PPP1R9A: variants seen among roughly 807,000 people sequenced by gnomAD.
The protein encoded by PPP1R9A is protein phosphatase 1 regulatory subunit 9A.
A neutral mutation model predicts 141.9 loss-of-function variants in PPP1R9A; 59 were observed. The ratio of observed to expected loss-of-function variants is 0.42; its 90% confidence interval spans 0.34 to 0.52. The LOEUF (loss-of-function observed/expected upper bound fraction) is 0.52. Among genes scored for constraint, PPP1R9A ranks in the 20% least tolerant of loss-of-function variants. PPP1R9A has a pLI of 0.10. For synonymous variants in PPP1R9A, 500 were observed against 569.7 expected (o/e 0.88, Z 1.74); for missense variants, 1,444 against 1,611.9 (o/e 0.90, Z 1.78).
In PPP1R9A at chr7:95,293,290, A is replaced by G. The variant is rs1363688126; in HGVS notation, c.*2987A>G. On this transcript the variant is annotated 3_prime_UTR_variant, in exon 20 of 20. Transcript: ENST00000433360. ...TCACAGTTTATGTAATACTAATCTC[A>G]TTCTTTTTTTACCTGAATCAGGAAT... is the stretch of plus-strand genomic sequence containing the variant. 1.3e-5 allele frequency: 2 copies of G among 152,140 alleles called. No individual in the cohort carries two copies. Among genetic ancestry groups the G allele is most frequent in the Admixed American group, 6.5e-5 (1 of 15,270 alleles). The allele number at this position is 152,140 out of a possible 1,614,324, so 9.4% of individuals were successfully genotyped here. A position where few individuals can be genotyped will look rare whatever the true frequency, so the allele number is the denominator to read the frequency against.
At chr7:95,136,898 T>C (rs1324834650) in intron 4 of PPP1R9A, among the ~76,000 whole-genome samples, 7 of 152,124 alleles carry the variant, frequency 4.6e-5, no homozygotes, top group Admixed American at 3.9e-4. Flanking sequence ...TCTGGTAATA[T>C]GTAATGTAAG....
chr7:94,933,672 C>A (rs1794433804), intron 2 of PPP1R9A, among the ~76,000 whole-genome samples: 1 of 152,142 alleles, frequency 6.6e-6, no homozygotes, highest in South Asian at 2.1e-4. Context: ...ATACCAGGCA[C>A]CAAGTAAAGG....
At chr7:95,015,227 T>TATATATATATAC (rs774273958) in intron 2 of PPP1R9A, among the ~76,000 whole-genome samples, 3 of 148,992 alleles carry the variant, frequency 2.0e-5, no homozygotes, top group Non-Finnish European at 4.5e-5. Context: ...AATATATATA[T>TATATATATATAC]ACACACACAC....
At chr7:95,199,750 A>T (rs567729586) in intron 6 of PPP1R9A, among the ~76,000 whole-genome samples, 1 of 152,292 alleles carries the variant, frequency 6.6e-6, no homozygotes, top group Non-Finnish European at 1.5e-5. Context: ...TTGTATGAAA[A>T]ATGTTCTCTT....
intron 2 of PPP1R9A, among the ~76,000 whole-genome samples, chr7:95,090,866 A>T (rs1453236333): frequency 3.3e-5 from 5 of 152,024 alleles, no homozygotes; most frequent in Non-Finnish European, 1.5e-5. Flanking sequence ...TATGATGTCT[A>T]TATGTATTTA....
chr7:94,958,236 A>G (rs1193113174), intron 2 of PPP1R9A, among the ~76,000 whole-genome samples: 3 of 152,064 alleles, frequency 2.0e-5, no homozygotes, highest in African/African-American at 7.2e-5. Context: ...ACTTGCCTAA[A>G]TATCACTTCC....
At chr7:95,097,342 A>G (rs1428911852) in intron 2 of PPP1R9A, among the ~76,000 whole-genome samples, 2 of 152,172 alleles carry the variant, frequency 1.3e-5, no homozygotes, top group South Asian at 2.1e-4. Flanking sequence ...GGTATTTTCA[A>G]TACTGAGCAT....
At position 95,273,988 on chromosome 7, in the gene PPP1R9A, T is replaced by C. The variant is rs1315714319; in HGVS notation, c.3212+2T>C. ...TAAGCGGAAGTTTGTGGATCTGGGGTAAGCACTTCACGATGTAAAAAGAAA... is the reference window on the plus strand; with the variant it reads ...TAAGCGGAAGTTTGTGGATCTGGGGCAAGCACTTCACGATGTAAAAAGAAA... On this transcript the variant is annotated splice_donor_variant, in intron 15 of 19. Transcript: ENST00000433360. LOFTEE classifies it high-confidence loss of function. 1 of 1,503,572 alleles carries C rather than the reference T, an allele frequency of 6.7e-7. No individual in the cohort carries two copies. The highest frequency in any genetic ancestry group is 9.1e-7 in the Non-Finnish European group (1 of 1,094,682). 93.1% of individuals were successfully genotyped at this position (1,503,572 alleles called of 1,614,324 possible).
intron 17 of PPP1R9A, among the ~76,000 whole-genome samples, chr7:95,284,688 T>C (rs571999801): frequency 3.1e-4 from 47 of 152,328 alleles, no homozygotes; most frequent in Non-Finnish European, 5.9e-4. Flanking sequence ...AATGATGACA[T>C]AGCATCCTTA....
chr7:95,226,405 A>G (rs1387013938), intron 8 of PPP1R9A, among the ~76,000 whole-genome samples: 1 of 152,178 alleles, frequency 6.6e-6, no homozygotes, highest in Admixed American at 6.6e-5. Context: ...AGTTTTACAG[A>G]AGTTTTGGTA....
chr7:95,091,024 C>G (rs1817276219), intron 2 of PPP1R9A, among the ~76,000 whole-genome samples: 1 of 151,922 alleles, frequency 6.6e-6, no homozygotes, highest in East Asian at 1.9e-4. Flanking sequence ...TCCATCATAT[C>G]AATGTACCAC....
chr7:95,212,642 C>T (rs4729177), intron 7 of PPP1R9A, among the ~76,000 whole-genome samples: 2,419 of 152,262 alleles, frequency 0.016, 48 homozygotes, highest in Admixed American at 0.043. Context: ...GCAGTCATGT[C>T]AGCCTCAACC....
intron 4 of PPP1R9A, among the ~76,000 whole-genome samples, chr7:95,152,938 T>C (rs1828972535): frequency 6.8e-6 from 1 of 147,972 alleles, no homozygotes; most frequent in South Asian, 2.3e-4. Flanking sequence ...AACCTTCACC[T>C]CCTGGGTTCA....
intron 9 of PPP1R9A, 150 bp from the exon 10 acceptor site, chr7:95,249,876 T>C (rs1014754938): frequency 1.9e-5 from 21 of 1,127,750 alleles, no homozygotes; most frequent in Non-Finnish European, 2.1e-5. Context: ...ATCTGTGGAA[T>C]TATAAAAATA....
chr7:94,937,299 A>G (rs968008462), intron 2 of PPP1R9A, among the ~76,000 whole-genome samples: 8 of 152,132 alleles, frequency 5.3e-5, no homozygotes, highest in Admixed American at 2.0e-4. Flanking sequence ...TATTGAAAGT[A>G]TGAGGCTGTT....
intron 5 of PPP1R9A, among the ~76,000 whole-genome samples, chr7:95,187,381 T>C (rs1215164477): frequency 6.6e-6 from 1 of 152,190 alleles, no homozygotes; most frequent in African/African-American, 2.4e-5. Context: ...TCATTTCTAA[T>C]TGAGCTTATT....
At chr7:95,202,549 CT>C in intron 6 of PPP1R9A, 22 of 834,340 alleles carry the variant, frequency 2.6e-5, no homozygotes, top group Non-Finnish European at 3.0e-5. Flanking sequence ...TTTCTCTTTT[CT>C]TTTTTTTAAT....
At chr7:94,927,295 A>G (rs926225691) in intron 2 of PPP1R9A, among the ~76,000 whole-genome samples, 1 of 152,172 alleles carries the variant, frequency 6.6e-6, no homozygotes, top group African/African-American at 2.4e-5. Context: ...AAATGTAACT[A>G]TAAAAGTTAT....
chr7:95,275,289 T>G (rs1174180809), intron 16 of PPP1R9A, among the ~76,000 whole-genome samples: 1 of 151,014 alleles, frequency 6.6e-6, no homozygotes, highest in Non-Finnish European at 1.5e-5. Flanking sequence ...ACACCTGTAA[T>G]CCCAGCTACT....
Sources: allele counts gnomAD v4.1 joint callset (sites outside exome capture counted in the v4.1 genomes callset), GRCh38; gene constraint gnomAD v4.1.1; transcripts MANE v1.5; gene names NCBI Gene and HGNC (gene_info 2026-07-23, HGNC 2026-07-21).